KCNIP4: variants seen among roughly 807,000 people sequenced by gnomAD.
KCNIP4 encodes Kv channel-interacting protein 4.
In KCNIP4, 12 loss-of-function variants were observed where a neutral mutation model predicts 34.0. The ratio of observed to expected loss-of-function variants is 0.35; its 90% CI spans 0.23 to 0.57. KCNIP4 has a LOEUF of 0.57. Among genes scored for constraint, KCNIP4 ranks in the 20% least tolerant of loss-of-function variants. The pLI, the probability that KCNIP4 is intolerant of heterozygous loss-of-function variation, is 0.83. For synonymous variants in KCNIP4, 124 were observed against 102.2 expected (o/e 1.21, Z -1.29); for missense variants, 238 against 311.7 (o/e 0.76, Z 1.78).
At chr4:21,186,880 C>T (rs11938878) in intron 1 of KCNIP4, among the ~76,000 whole-genome samples, 17 of 152,042 alleles carry the variant, frequency 1.1e-4, no homozygotes, top group African/African-American at 3.9e-4. Flanking sequence ...AACTCCTGGG[C>T]TCAAGGGATC....
chr4:21,333,411 C>A (rs1715850264), intron 1 of KCNIP4, among the ~76,000 whole-genome samples: 1 of 142,678 alleles, frequency 7.0e-6, no homozygotes, highest in Non-Finnish European at 1.5e-5. Flanking sequence ...CTTAATTGAA[C>A]AACTACTTTC....
At chr4:21,570,957 T>C (rs577198351) in intron 1 of KCNIP4, among the ~76,000 whole-genome samples, 1 of 152,274 alleles carries the variant, frequency 6.6e-6, no homozygotes, top group South Asian at 2.1e-4. Context: ...TGGTTGAACC[T>C]GGATTCAAAC....
chr4:20,810,228 T>C (rs896718133), intron 3 of KCNIP4, among the ~76,000 whole-genome samples: 1 of 152,182 alleles, frequency 6.6e-6, no homozygotes, highest in African/African-American at 2.4e-5. Flanking sequence ...AAAGTCATTT[T>C]GTGGAGAAAA....
chr4:20,933,937 T>C (rs781597789), intron 1 of KCNIP4, among the ~76,000 whole-genome samples: 1 of 152,182 alleles, frequency 6.6e-6, no homozygotes, highest in Non-Finnish European at 1.5e-5. Context: ...TCTCAATCAA[T>C]GTGATATATT....
At chr4:21,875,619 C>T (rs1319716142) in intron 1 of KCNIP4, among the ~76,000 whole-genome samples, 3 of 152,066 alleles carry the variant, frequency 2.0e-5, no homozygotes, top group Non-Finnish European at 4.4e-5. Context: ...TAGAAGCCTT[C>T]TTGTCACCGG....
At chr4:21,877,740 T>G (rs1300420354) in intron 1 of KCNIP4, among the ~76,000 whole-genome samples, 1 of 152,208 alleles carries the variant, frequency 6.6e-6, no homozygotes, top group Non-Finnish European at 1.5e-5. Context: ...GATGCCTCTA[T>G]TCTTCCTGGA....
intron 1 of KCNIP4, among the ~76,000 whole-genome samples, chr4:21,715,720 G>A (rs1714320948): frequency 6.6e-6 from 1 of 152,086 alleles, no homozygotes; most frequent in Admixed American, 6.5e-5. Flanking sequence ...AAATTGAGAG[G>A]ACTGCAAATG....
chr4:20,778,212 T>G (rs1756547751), intron 3 of KCNIP4, among the ~76,000 whole-genome samples: 1 of 152,198 alleles, frequency 6.6e-6, no homozygotes, highest in African/African-American at 2.4e-5. Flanking sequence ...TCACACTAGC[T>G]GTGTTTCTTA....
At chr4:21,728,817 C>A (rs1715385453) in intron 1 of KCNIP4, among the ~76,000 whole-genome samples, 1 of 152,090 alleles carries the variant, frequency 6.6e-6, no homozygotes. Context: ...TGTCTTACCA[C>A]CCCTCAAATC....
chr4:21,835,922 CA>C (rs1723291923), intron 1 of KCNIP4, among the ~76,000 whole-genome samples: 1 of 152,126 alleles, frequency 6.6e-6, no homozygotes, highest in Non-Finnish European at 1.5e-5. Flanking sequence ...ATAAAATCCA[CA>C]AAGAATACAT....
intron 1 of KCNIP4, among the ~76,000 whole-genome samples, chr4:21,535,021 C>T (rs1480484948): frequency 1.3e-5 from 2 of 152,046 alleles, no homozygotes; most frequent in East Asian, 1.9e-4. Flanking sequence ...TTTTTCCATT[C>T]GCTCCACTGT....
intron 1 of KCNIP4, among the ~76,000 whole-genome samples, chr4:21,783,061 T>C (rs937224123): frequency 6.6e-6 from 1 of 151,962 alleles, no homozygotes; most frequent in African/African-American, 2.4e-5. Flanking sequence ...AGGATTTTTG[T>C]TGAAAGGGAA....
chr4:21,523,887 A>G (rs1030478650), intron 1 of KCNIP4, among the ~76,000 whole-genome samples: 1 of 152,014 alleles, frequency 6.6e-6, no homozygotes, highest in Admixed American at 6.6e-5. Flanking sequence ...TTGCTTTTTG[A>G]CACCTTTACA....
intron 1 of KCNIP4, among the ~76,000 whole-genome samples, chr4:21,668,300 A>G (rs978308396): frequency 8.5e-5 from 13 of 152,166 alleles, no homozygotes; most frequent in African/African-American, 3.1e-4. Context: ...TGGCACAGGT[A>G]TACCTATGTA....
rs117784348 is a variant in KCNIP4, at chr4:21,095,993, G to A, written c.62-213284C>T. ...TATACTTCAATATCCTATTGCATGTGGTTACAAATTTGAATATGGCATATA... is the reference window on the plus strand; with the variant it reads ...TATACTTCAATATCCTATTGCATGTAGTTACAAATTTGAATATGGCATATA... On this transcript the variant is annotated intron_variant, in intron 1 of 8. Transcript: ENST00000382152. Among the ~76,000 whole-genome samples the A allele has an allele frequency of 5.6e-4, 85 of 152,132 alleles. No homozygotes were observed. In the East Asian group the frequency reaches 0.016, roughly 29 times the overall value.
intron 1 of KCNIP4, among the ~76,000 whole-genome samples, chr4:21,663,414 G>A (rs1157104681): frequency 6.6e-6 from 1 of 152,154 alleles, no homozygotes; most frequent in Non-Finnish European, 1.5e-5. Context: ...AGGAACATGG[G>A]GAGCGGAGTG....
At chr4:20,940,080 C>G (rs1008924606) in intron 1 of KCNIP4, among the ~76,000 whole-genome samples, 14 of 150,708 alleles carry the variant, frequency 9.3e-5, no homozygotes, top group African/African-American at 3.4e-4. Flanking sequence ...ATCCATCAAC[C>G]ATTTCGCAAT....
intron 1 of KCNIP4, among the ~76,000 whole-genome samples, chr4:21,935,564 C>T (rs1033902681): frequency 2.0e-5 from 3 of 151,988 alleles, no homozygotes; most frequent in Non-Finnish European, 4.4e-5. Context: ...ACAGAATCTT[C>T]CCCAACAAGT....
chr4:21,196,852 C>T (rs1756092167), intron 1 of KCNIP4, among the ~76,000 whole-genome samples: 1 of 152,108 alleles, frequency 6.6e-6, no homozygotes. Context: ...CACTCTGATG[C>T]ATTTGTACAT....
Sources: allele counts gnomAD v4.1 joint callset (sites outside exome capture counted in the v4.1 genomes callset), GRCh38; gene constraint gnomAD v4.1.1; transcripts MANE v1.5; gene names NCBI Gene and HGNC (gene_info 2026-07-23, HGNC 2026-07-21).